The following AMOTL1 variants were observed in gnomAD, a reference collection of about 807,000 sequenced individuals.
The protein encoded by AMOTL1 is angiomotin-like protein 1.
AMOTL1 carries 45 observed loss-of-function variants against 102.9 expected under a neutral mutation model. That is an observed-to-expected ratio of 0.44 (90% CI 0.34 to 0.56). AMOTL1 has a LOEUF of 0.56. AMOTL1 is among the 20% of genes least tolerant of loss of function. AMOTL1 has a pLI of 0.01. For missense variants in AMOTL1, 1,114 were observed against 1,225.6 expected, an observed-to-expected ratio of 0.91 and a Z score of 1.36; for synonymous variants, 481 against 484.7, an observed-to-expected ratio of 0.99 and a Z score of 0.10.
intron 3 of AMOTL1, among the ~76,000 whole-genome samples, chr11:94,816,448 T>C (rs1261696268): frequency 1.3e-5 from 2 of 152,228 alleles, no homozygotes; most frequent in Admixed American, 1.3e-4. Context: ...TTTCAGGTTA[T>C]TGATAATAAA....
chr11:94,790,228 T>G (rs1166087454), intron 1 of AMOTL1, among the ~76,000 whole-genome samples: 1 of 152,200 alleles, frequency 6.6e-6, no homozygotes, highest in Non-Finnish European at 1.5e-5. Context: ...GCATATGTCT[T>G]ACATGCTACA....
chr11:94,856,781 G>T (rs116459096), intron 8 of AMOTL1, among the ~76,000 whole-genome samples: 2 of 152,130 alleles, frequency 1.3e-5, no homozygotes, highest in East Asian at 1.9e-4. Context: ...CAGACCAACC[G>T]CATGGACTCA....
intron 1 of AMOTL1, among the ~76,000 whole-genome samples, chr11:94,714,431 T>G (rs147443931): frequency 2.6e-5 from 4 of 152,222 alleles, no homozygotes; most frequent in African/African-American, 9.6e-5. Flanking sequence ...CTTTTCTATT[T>G]TGAAAAAGAG....
chr11:94,856,330 A>C, intron 8 of AMOTL1, among the ~76,000 whole-genome samples: 1 of 152,172 alleles, frequency 6.6e-6, no homozygotes, highest in East Asian at 1.9e-4. Context: ...AACCAAAAAA[A>C]GGTTAAAATG....
At chr11:94,721,972 A>G (rs1233054596) in intron 1 of AMOTL1, among the ~76,000 whole-genome samples, 3 of 152,112 alleles carry the variant, frequency 2.0e-5, no homozygotes, top group African/African-American at 7.2e-5. Flanking sequence ...AGCTGTGGCC[A>G]TTTATCTTAT....
At position 94,870,881 on chromosome 11, in the gene AMOTL1, TG is replaced by T; in HGVS notation, c.*89del. On this transcript the variant is annotated 3_prime_UTR_variant, in exon 13 of 13. Coordinates refer to ENST00000433060, the MANE Select transcript of AMOTL1 (RefSeq NM_130847.3). The stretch of plus-strand genomic sequence containing the variant: ...GAAGAAAGACCTAGAAGGTTGTAGA[TG>T]GGAAATCAGGAATGATTTGAACTGA... 3 of 1,121,232 alleles carry T rather than the reference TG, an allele frequency of 2.7e-6. No individual in the cohort carries two copies. Among genetic ancestry groups the T allele is most frequent in the South Asian group, 3.3e-5 (2 of 61,062 alleles). The allele number at this position is 1,121,232 out of a possible 1,614,324, so 69.5% of individuals were successfully genotyped here.
intron 8 of AMOTL1, 55 bp downstream of exon 8, chr11:94,854,137 G>T (rs559534692): frequency 6.8e-7 from 1 of 1,466,042 alleles, no homozygotes; most frequent in African/African-American, 1.4e-5. Context: ...CTCAGCAAAC[G>T]TATGGATGTT....
intron 3 of AMOTL1, among the ~76,000 whole-genome samples, chr11:94,809,336 T>C (rs1951629193): frequency 6.6e-6 from 1 of 152,184 alleles, no homozygotes; most frequent in Non-Finnish European, 1.5e-5. Flanking sequence ...CTAGCCACAT[T>C]TCAAGTACCC....
chr11:94,731,230 C>T (rs539184604), intron 2 of AMOTL1, among the ~76,000 whole-genome samples: 1 of 152,282 alleles, frequency 6.6e-6, no homozygotes, highest in South Asian at 2.1e-4. Context: ...TATCTGGTTC[C>T]AGTTCAGATA....
chr11:94,834,112 C>A (rs1205354821), intron 6 of AMOTL1, among the ~76,000 whole-genome samples: 1 of 152,132 alleles, frequency 6.6e-6, no homozygotes, highest in African/African-American at 2.4e-5. Flanking sequence ...TGCCTCTCTT[C>A]CTAGTTATTA....
Position 94,866,038 on chromosome 11 carries a change from C to T in AMOTL1, c.2358C>T (p.Ser786=). 6.2e-7 allele frequency: 1 copy of T among 1,614,004 alleles called. No homozygotes were observed. Among genetic ancestry groups the T allele is most frequent in the Non-Finnish European group, 8.5e-7 (1 of 1,179,896 alleles). The part of the protein sequence containing the change: ...SRKDAGKTDS[S]SLRPARSVPS... ...AAGATGCCGGGAAGACAGACTCCTC[C>T]AGCCTACGTCCTGCCCGCTCCGTTC... The change falls in exon 11 of 13, where the codon TCC becomes TCT. Residue 786 remains serine, a synonymous_variant. Transcript: ENST00000433060.
intron 3 of AMOTL1, among the ~76,000 whole-genome samples, chr11:94,744,580 A>G (rs1371706252): frequency 1.3e-5 from 2 of 152,154 alleles, no homozygotes; most frequent in African/African-American, 4.8e-5. Flanking sequence ...GTGGAGGGGT[A>G]GTAGGTGGGG....
chr11:94,844,724 T>C (rs185859298), intron 6 of AMOTL1, among the ~76,000 whole-genome samples: 2 of 152,340 alleles, frequency 1.3e-5, no homozygotes, highest in East Asian at 1.9e-4. Flanking sequence ...TGAACCCTCA[T>C]GGCCTAATCA....
At chr11:94,790,655 C>T (rs1291932055) in intron 1 of AMOTL1, among the ~76,000 whole-genome samples, 1 of 152,136 alleles carries the variant, frequency 6.6e-6, no homozygotes, top group Non-Finnish European at 1.5e-5. Context: ...ACAAAAATTC[C>T]ACCCTGAAGT....
intron 4 of AMOTL1, 45 bp downstream of exon 4, chr11:94,821,866 C>G: frequency 6.3e-7 from 1 of 1,594,900 alleles, no homozygotes; most frequent in South Asian, 1.2e-5. Flanking sequence ...AATTCTTTAC[C>G]TGGTCATGGG....
chr11:94,769,644 A>G (rs566721235), intron 1 of AMOTL1, among the ~76,000 whole-genome samples: 1 of 152,164 alleles, frequency 6.6e-6, no homozygotes, highest in East Asian at 1.9e-4. Flanking sequence ...TCCGCGTGGC[A>G]AATACCTTTT....
At chr11:94,768,327 G>A, upstream of AMOTL1, 2 of 1,361,750 alleles carry the variant, frequency 1.5e-6, no homozygotes, top group South Asian at 1.7e-5. Flanking sequence ...GCCCGCGCGC[G>A]GGGAGCGGGG....
At chr11:94,831,298 G>C (rs998756516) in intron 5 of AMOTL1, among the ~76,000 whole-genome samples, 154 bp from the exon 6 acceptor site, 3 of 152,154 alleles carry the variant, frequency 2.0e-5, no homozygotes, top group African/African-American at 7.2e-5. Context: ...GATATTTTGG[G>C]ACATAGTTAC....
intron 6 of AMOTL1, among the ~76,000 whole-genome samples, chr11:94,843,489 C>T (rs982538237): frequency 1.3e-5 from 2 of 152,136 alleles, no homozygotes; most frequent in African/African-American, 2.4e-5. Context: ...TATTGTCTTT[C>T]CACTCCCACA....
Sources: gnomAD v4.1 joint callset for allele counts (sites outside exome capture counted in the v4.1 genomes callset) on GRCh38, gnomAD v4.1.1 for gene constraint, MANE v1.5 for transcripts, NCBI Gene and HGNC (gene_info 2026-07-23, HGNC 2026-07-21) for gene names.